The following OR10J1 variants were observed in gnomAD, a reference collection of about 807,000 sequenced individuals.
OR10J1 encodes the protein olfactory receptor 10J1.
For missense variants in OR10J1, 474 were observed against 376.6 expected, an observed-to-expected ratio of 1.26 and a Z score of -2.14; for synonymous variants, 202 against 143.8, an observed-to-expected ratio of 1.40 and a Z score of -2.89.
the OR10J1 span, among the ~76,000 whole-genome samples, chr1:159,416,074 GT>G: frequency 1.3e-5 from 2 of 151,450 alleles, no homozygotes; most frequent in East Asian, 1.9e-4. Context: ...GATTTAAGAG[GT>G]TTTTTTTGGT....
At chr1:159,408,495 T>A in the OR10J1 span, among the ~76,000 whole-genome samples, 1 of 150,048 alleles carries the variant, frequency 6.7e-6, no homozygotes, top group South Asian at 2.1e-4. Flanking sequence ...GGGATAGCAT[T>A]GGGAGATATA....
the OR10J1 span, among the ~76,000 whole-genome samples, chr1:159,426,470 A>T: frequency 6.6e-6 from 1 of 151,958 alleles, no homozygotes; most frequent in Non-Finnish European, 1.5e-5. Context: ...ATAATTCACC[A>T]GGAAGATACT....
At chr1:159,430,640 G>GGGGTGTGTGTGTGTGT in the OR10J1 span, among the ~76,000 whole-genome samples, 3 of 140,828 alleles carry the variant, frequency 2.1e-5, no homozygotes, top group Non-Finnish European at 3.0e-5. Context: ...AAAAAATTAT[G>GGGGTGTGTGTGTGTGT]GTGTGTGTGT....
the OR10J1 span, among the ~76,000 whole-genome samples, chr1:159,423,716 A>C: frequency 6.6e-6 from 1 of 152,210 alleles, no homozygotes; most frequent in East Asian, 1.9e-4. Context: ...CAATTCTGGC[A>C]ACAAGGTTTA....
At chr1:159,403,085 C>A in the OR10J1 span, among the ~76,000 whole-genome samples, 1 of 152,074 alleles carries the variant, frequency 6.6e-6, no homozygotes, top group Non-Finnish European at 1.5e-5. Flanking sequence ...AGACCCCTAT[C>A]TCTCACCATG....
At chr1:159,411,437 C>G in the OR10J1 span, among the ~76,000 whole-genome samples, 1 of 152,100 alleles carries the variant, frequency 6.6e-6, no homozygotes, top group Non-Finnish European at 1.5e-5. Context: ...GAATTGATCC[C>G]TTTACTATTA....
chr1:159,432,825 T>C, the OR10J1 span: 1 of 405,734 alleles, frequency 2.5e-6, no homozygotes, highest in Non-Finnish European at 4.4e-6. Context: ...CTCTGTGTCC[T>C]TGTTCTGCCC....
chr1:159,416,937 A>T, the OR10J1 span, among the ~76,000 whole-genome samples: 1 of 151,250 alleles, frequency 6.6e-6, no homozygotes, highest in African/African-American at 2.4e-5. Context: ...CTCCTTTTTC[A>T]TTTCTGATTT....
At chr1:159,413,459 A>G in the OR10J1 span, among the ~76,000 whole-genome samples, 1 of 152,082 alleles carries the variant, frequency 6.6e-6, no homozygotes. Context: ...ACAATGATAG[A>G]TTGGATTAAG....
the OR10J1 span, among the ~76,000 whole-genome samples, chr1:159,415,038 G>T: frequency 6.6e-6 from 1 of 151,966 alleles, no homozygotes; most frequent in South Asian, 2.1e-4. Flanking sequence ...CTCAACTTTT[G>T]ATTGTTTCCT....
At chr1:159,411,064 C>T in the OR10J1 span, among the ~76,000 whole-genome samples, 33 of 152,196 alleles carry the variant, frequency 2.2e-4, 1 homozygote, top group Middle Eastern at 6.8e-3. Flanking sequence ...GTCTGAGAGA[C>T]AGTTTGTTAT....
the OR10J1 span, chr1:159,405,669 C>A: frequency 2.3e-5 from 12 of 517,470 alleles, no homozygotes; most frequent in Non-Finnish European, 4.1e-5. Context: ...CACAGGCCTT[C>A]TTCCTACCCT....
rs867005795 is a variant in OR10J1, at chr1:159,440,599, G to A, written c.808G>A (p.Asp270Asn). Residue 270 changes from aspartate to asparagine, a missense_variant, in exon 1 of 1, where the codon GAC becomes AAC. Physicochemically the swap from Asp to Asn is conservative, Grantham distance 23. Coordinates refer to ENST00000423932, the MANE Select transcript of OR10J1 (RefSeq NM_012351.3). The part of the protein sequence containing the change: ...KPKSENTREH[D>N]QLISVTYTVI... ...CAAGTCAGAGAACACCAGAGAACAT[G>A]ACCAGCTGATCTCGGTGACCTACAC... The A allele has an allele frequency of 6.2e-7, 1 of 1,613,726 alleles. No homozygotes were observed. The highest frequency in any genetic ancestry group is 1.3e-5 in the African/African-American group (1 of 74,834).
chr1:159,437,779 T>C (rs920173230), upstream of OR10J1: 10 of 152,232 alleles, frequency 6.6e-5, no homozygotes, highest in African/African-American at 2.4e-4. Flanking sequence ...TGGGAGAGCA[T>C]CTCCTCTGGC....
the OR10J1 span, among the ~76,000 whole-genome samples, chr1:159,418,770 G>A: frequency 6.6e-6 from 1 of 152,182 alleles, no homozygotes; most frequent in Non-Finnish European, 1.5e-5. Flanking sequence ...ACCTGGAAAA[G>A]CCACAGACCT....
chr1:159,435,791 T>TC (rs1571155536), upstream of OR10J1, among the ~76,000 whole-genome samples: 4 of 152,208 alleles, frequency 2.6e-5, no homozygotes, highest in Admixed American at 2.6e-4. Flanking sequence ...TGAAATCTGT[T>TC]CCCCAAATAA....
the OR10J1 span, among the ~76,000 whole-genome samples, chr1:159,417,338 G>A: frequency 6.6e-6 from 1 of 152,012 alleles, no homozygotes; most frequent in African/African-American, 2.4e-5. Context: ...GGAGTGATAT[G>A]GTTTGACTCT....
At chr1:159,406,006 C>A in the OR10J1 span, 1 of 442,010 alleles carries the variant, frequency 2.3e-6, no homozygotes, top group Non-Finnish European at 4.3e-6. Flanking sequence ...ACATAGCAAT[C>A]ATATCCCATG....
chr1:159,420,589 G>A, the OR10J1 span, among the ~76,000 whole-genome samples: 4 of 152,106 alleles, frequency 2.6e-5, no homozygotes, highest in South Asian at 8.3e-4. Flanking sequence ...CATTTCTTGT[G>A]GGATCAGTCT....
Sources: allele counts gnomAD v4.1 joint callset (sites outside exome capture counted in the v4.1 genomes callset), GRCh38; gene constraint gnomAD v4.1.1; transcripts MANE v1.5; gene names NCBI Gene and HGNC (gene_info 2026-07-23, HGNC 2026-07-21).